Variants in TAB2 observed in about 807,000 individuals in gnomAD.
The protein encoded by TAB2 is TGF-beta-activated kinase 1 and MAP3K7-binding protein 2.
Under a neutral mutation model 65.0 loss-of-function variants are expected in TAB2, and 3 were observed. The observed-to-expected ratio is 0.05, with a 90% CI of 0.02 to 0.12. The LOEUF is 0.12. TAB2 is among the 10% of genes least tolerant of loss of function. The pLI is 1.00. For missense variants in TAB2, 623 were observed against 840.3 expected, an observed-to-expected ratio of 0.74 and a Z score of 3.20; for synonymous variants, 298 against 285.1, an observed-to-expected ratio of 1.05 and a Z score of -0.46.
At chr6:149,241,271 T>G (rs1449619922) in intron 1 of TAB2, among the ~76,000 whole-genome samples, 1 of 152,220 alleles carries the variant, frequency 6.6e-6, no homozygotes, top group African/African-American at 2.4e-5. Context: ...CAATAGATTT[T>G]GGGCTCAGTT....
chr6:149,309,325 T>C (rs1390692023), intron 1 of TAB2, among the ~76,000 whole-genome samples: 1 of 152,176 alleles, frequency 6.6e-6, no homozygotes, highest in Non-Finnish European at 1.5e-5. Flanking sequence ...TGTTCATTCA[T>C]TTAATCCTTG....
intron 1 of TAB2, among the ~76,000 whole-genome samples, chr6:149,272,796 A>C (rs1316535091): frequency 6.6e-6 from 1 of 152,202 alleles, no homozygotes; most frequent in Non-Finnish European, 1.5e-5. Context: ...TGACATCAGG[A>C]AAGTTGGTCA....
chr6:149,278,776 A>AAATGAAAG (rs1410972035), intron 1 of TAB2, among the ~76,000 whole-genome samples: 1 of 152,084 alleles, frequency 6.6e-6, no homozygotes, highest in Non-Finnish European at 1.5e-5. Flanking sequence ...AGGAATAAAT[A>AAATGAAAG]AATGAAAGAA....
At chr6:149,219,306 T>TTGTGTG (rs3064238) in intron 1 of TAB2, among the ~76,000 whole-genome samples, 4,503 of 146,174 alleles carry the variant, frequency 0.031, 82 homozygotes, top group African/African-American at 0.041. Context: ...ATTTTAACAT[T>TTGTGTG]TGTGTGTGTG....
At chr6:149,382,207 A>G (rs570835627) in intron 3 of TAB2, among the ~76,000 whole-genome samples, 251 of 152,294 alleles carry the variant, frequency 1.6e-3, no homozygotes, top group Middle Eastern at 6.8e-3. Context: ...GGCAAACTTT[A>G]GGGCCCTTTT....
chr6:149,409,989 A>G lies in TAB2; in HGVS notation c.*270A>G, dbSNP rs1410658374. 3 of 507,652 alleles carry G rather than the reference A, an allele frequency of 5.9e-6. No individual in the cohort carries two copies. The highest frequency in any genetic ancestry group is 2.2e-5 in the South Asian group (1 of 45,120). The allele number at this position is 507,652 out of a possible 1,614,324, so 31.4% of individuals were successfully genotyped here. On this transcript the variant is annotated 3_prime_UTR_variant, in exon 7 of 7. Coordinates refer to ENST00000637181, the MANE Select transcript of TAB2 (RefSeq NM_001292034.3). ...TGTACAGTGTTACCAGTGTCCCATT[A>G]TGGATAATTCTCAATATGTTAACAC...
chr6:149,358,252 C>T (rs1297826887), intron 1 of TAB2, among the ~76,000 whole-genome samples: 2 of 152,102 alleles, frequency 1.3e-5, no homozygotes, highest in East Asian at 1.9e-4. Flanking sequence ...CATCTAAACA[C>T]GATATTGATT....
At chr6:149,398,152 T>A (rs1399275888) in intron 5 of TAB2, 90 bp downstream of exon 5, 1 of 1,069,838 alleles carries the variant, frequency 9.3e-7, no homozygotes, top group Non-Finnish European at 1.4e-6. Context: ...TCAATCATAA[T>A]CTTACTGTCT....
At chr6:149,387,701 A>G (rs1400670733) in intron 3 of TAB2, among the ~76,000 whole-genome samples, 1 of 152,206 alleles carries the variant, frequency 6.6e-6, no homozygotes, top group Non-Finnish European at 1.5e-5. Flanking sequence ...CTTTTTTAAA[A>G]AACTGAAAAC....
At chr6:149,227,320 T>G (rs1777302144) in intron 1 of TAB2, among the ~76,000 whole-genome samples, 1 of 152,216 alleles carries the variant, frequency 6.6e-6, no homozygotes, top group South Asian at 2.1e-4. Context: ...TTATCCTAAC[T>G]ACAACCTTCA....
intron 1 of TAB2, among the ~76,000 whole-genome samples, chr6:149,331,142 A>G (rs1300472494): frequency 6.6e-6 from 1 of 152,100 alleles, no homozygotes; most frequent in Non-Finnish European, 1.5e-5. Context: ...GTAAAATGTC[A>G]GTTTCGGGGA....
chr6:149,262,767 G>A (rs1444575756), intron 1 of TAB2, among the ~76,000 whole-genome samples: 2 of 151,940 alleles, frequency 1.3e-5, no homozygotes, highest in African/African-American at 4.8e-5. Flanking sequence ...TTAATATTTA[G>A]GAGCTGATAT....
chr6:149,246,584 A>C (rs996460629), intron 1 of TAB2: 2 of 152,280 alleles, frequency 1.3e-5, no homozygotes, highest in Admixed American at 6.5e-5. Flanking sequence ...TGGGCTGTTA[A>C]GTCGTGACAG....
intron 1 of TAB2, among the ~76,000 whole-genome samples, chr6:149,265,717 C>T (rs1180886887): frequency 6.6e-6 from 1 of 152,204 alleles, no homozygotes; most frequent in Non-Finnish European, 1.5e-5. Flanking sequence ...GACTGGGGTT[C>T]AACGCCAACG....
At chr6:149,363,429 A>G (rs139697108) in intron 1 of TAB2, among the ~76,000 whole-genome samples, 561 of 152,286 alleles carry the variant, frequency 3.7e-3, no homozygotes, top group Non-Finnish European at 5.5e-3. Flanking sequence ...AGGCAGGGAA[A>G]GTTTCCCTAA....
chr6:149,250,634 G>A (rs1199684199), intron 1 of TAB2, among the ~76,000 whole-genome samples: 1 of 152,040 alleles, frequency 6.6e-6, no homozygotes, highest in Non-Finnish European at 1.5e-5. Context: ...TAGGGAAATG[G>A]CATTATTACA....
intron 1 of TAB2, among the ~76,000 whole-genome samples, chr6:149,303,414 A>G (rs145109272): frequency 1.3e-5 from 2 of 152,214 alleles, no homozygotes; most frequent in African/African-American, 4.8e-5. Context: ...AGAGAAGCTG[A>G]AATAACACAG....
intron 6 of TAB2, chr6:149,400,412 A>C (rs1782337895): frequency 3.7e-6 from 6 of 1,614,202 alleles, no homozygotes; most frequent in Non-Finnish European, 5.1e-6. Flanking sequence ...AAAAGCCCAC[A>C]GAAGAAGTCA....
chr6:149,403,263 T>TATATATACAC (rs1782517477), intron 6 of TAB2, among the ~76,000 whole-genome samples: 2 of 43,634 alleles, frequency 4.6e-5, no homozygotes, highest in African/African-American at 1.3e-4. Flanking sequence ...TATATATATA[T>TATATATACAC]ATATATATAT....
Sources: allele counts gnomAD v4.1 joint callset (sites outside exome capture counted in the v4.1 genomes callset), GRCh38; gene constraint gnomAD v4.1.1; transcripts MANE v1.5; gene names NCBI Gene and HGNC (gene_info 2026-07-23, HGNC 2026-07-21).